DACH1: variants seen among roughly 807,000 people sequenced by gnomAD.
DACH1 encodes the protein dachshund family transcription factor 1, also known as dachshund homolog 1.
DACH1 carries 12 observed loss-of-function variants against 54.2 expected under a neutral mutation model. That is an observed-to-expected ratio of 0.22 (90% CI 0.14 to 0.36). The LOEUF (loss-of-function observed/expected upper bound fraction) is 0.36. DACH1 is among the 10% of genes least tolerant of loss of function. The pLI is 1.00. For missense variants in DACH1, 805 were observed against 929.8 expected, an observed-to-expected ratio of 0.87 and a Z score of 1.75; for synonymous variants, 386 against 366.2, an observed-to-expected ratio of 1.05 and a Z score of -0.62.
intron 1 of DACH1, among the ~76,000 whole-genome samples, chr13:71,773,091 C>T (rs1885926523): frequency 6.6e-6 from 1 of 151,750 alleles, no homozygotes; most frequent in Admixed American, 6.6e-5. Flanking sequence ...ATATGTACCA[C>T]ACCTCTGCTG....
At chr13:71,481,449 G>A (rs965464301) in intron 7 of DACH1, among the ~76,000 whole-genome samples, 5 of 152,188 alleles carry the variant, frequency 3.3e-5, no homozygotes, top group Non-Finnish European at 7.4e-5. Flanking sequence ...TGTAAAGAAT[G>A]AAGTTGCTGA....
chr13:71,866,421 CGCCGCT>C lies in DACH1; in HGVS notation c.343_348del (p.Ser115_Gly116del). 1 of 1,417,260 alleles carries C rather than the reference CGCCGCT, an allele frequency of 7.1e-7. No homozygotes were observed. Among genetic ancestry groups the C allele is most frequent in the Non-Finnish European group, 9.3e-7 (1 of 1,079,296 alleles). The allele number at this position is 1,417,260 out of a possible 1,614,324, so 87.8% of individuals were successfully genotyped here. ...CCAGCGCTGATGCCGCCGCCGCCGC[CGCCGCT>C]GCCGTTGCTCGCGGCCGCCAGGTTG... On this transcript the variant is annotated inframe_deletion, in exon 1 of 11. Coordinates refer to ENST00000613252, the MANE Select transcript of DACH1 (RefSeq NM_080759.6).
intron 1 of DACH1, among the ~76,000 whole-genome samples, chr13:71,771,553 G>A (rs987477657): frequency 2.6e-5 from 4 of 151,384 alleles, no homozygotes; most frequent in Non-Finnish European, 4.4e-5. Context: ...GAAAGGGCAA[G>A]TATCCCATTC....
chr13:71,648,452 C>T (rs978777390), intron 2 of DACH1, among the ~76,000 whole-genome samples: 6 of 152,206 alleles, frequency 3.9e-5, no homozygotes, highest in South Asian at 2.1e-4. Context: ...ACAACAATAG[C>T]TTTAAGAGTA....
At chr13:71,633,366 G>A (rs1199179839) in intron 2 of DACH1, among the ~76,000 whole-genome samples, 4 of 152,136 alleles carry the variant, frequency 2.6e-5, no homozygotes, top group Non-Finnish European at 5.9e-5. Context: ...TTGTTAAAAA[G>A]AAAGGCTTGG....
intron 2 of DACH1, among the ~76,000 whole-genome samples, chr13:71,658,579 T>G (rs896284771): frequency 2.6e-5 from 4 of 152,048 alleles, no homozygotes; most frequent in African/African-American, 9.7e-5. Context: ...AAGCACTATA[T>G]CCATGTAATG....
chr13:71,481,385 T>A (rs1878017770), intron 7 of DACH1, among the ~76,000 whole-genome samples: 5 of 152,210 alleles, frequency 3.3e-5, no homozygotes. Flanking sequence ...AATAAACATG[T>A]TGAATAATGT....
At chr13:71,602,226 T>C (rs549203098) in intron 3 of DACH1, among the ~76,000 whole-genome samples, 1 of 152,140 alleles carries the variant, frequency 6.6e-6, no homozygotes, top group East Asian at 1.9e-4. Flanking sequence ...TTATTTTGTG[T>C]ATCCAAGCAT....
chr13:71,528,425 CTT>C (rs71198120), intron 6 of DACH1, among the ~76,000 whole-genome samples: 3 of 111,110 alleles, frequency 2.7e-5, no homozygotes, highest in African/African-American at 3.4e-5. Context: ...AACAGATTTT[CTT>C]TTTTTTTTTT....
intron 1 of DACH1, among the ~76,000 whole-genome samples, chr13:71,822,772 G>C (rs1180899206): frequency 6.6e-6 from 1 of 152,004 alleles, no homozygotes; most frequent in Non-Finnish European, 1.5e-5. Context: ...TAGTTCACTA[G>C]GACCTTATAT....
chr13:71,610,968 G>A (rs980377564), intron 3 of DACH1, among the ~76,000 whole-genome samples: 11 of 152,034 alleles, frequency 7.2e-5, no homozygotes, highest in African/African-American at 2.7e-4. Flanking sequence ...AATCACTCTT[G>A]TCTCTCTCTC....
In DACH1 at chr13:71,465,380, A is replaced by C. The variant is rs1284522385; in HGVS notation, c.2083+9761T>G. 3.3e-5 allele frequency among the ~76,000 whole-genome samples: 5 copies of C among 152,188 alleles called. No individual in the cohort carries two copies. In the East Asian group the frequency reaches 9.6e-4, roughly 29 times the overall value. ...TGACTCTTGAAGTATAACATTTCTC[A>C]GAAAAAAAATTAATTGTATTTATGC... is the stretch of plus-strand genomic sequence containing the variant. On this transcript the variant is annotated intron_variant, in intron 10 of 10. Coordinates refer to ENST00000613252, the MANE Select transcript of DACH1 (RefSeq NM_080759.6).
In DACH1 at chr13:71,866,008, C is replaced by G. The variant is rs1874730653; in HGVS notation, c.762G>C (p.Leu254=). 3.1e-6 allele frequency: 5 copies of G among 1,613,860 alleles called. No individual in the cohort carries two copies. Among genetic ancestry groups the G allele is most frequent in the Middle Eastern group, 3.3e-4 (2 of 6,084 alleles). The stretch of plus-strand genomic sequence containing the variant: ...GGTTCACTCCTGGCTGGATGGCGCC[C>G]AGTCCCCTCAGGATGCGAACTTGTT... ...NVEQVRILRG[L]GAIQPGVNRC... The change falls in exon 1 of 11, where the codon CTG becomes CTC. Residue 254 remains leucine (L), a synonymous_variant. Coordinates refer to ENST00000613252, the MANE Select transcript of DACH1 (RefSeq NM_080759.6).
At chr13:71,716,611 T>G (rs1332057993) in intron 1 of DACH1, among the ~76,000 whole-genome samples, 1 of 152,148 alleles carries the variant, frequency 6.6e-6, no homozygotes, top group Non-Finnish European at 1.5e-5. Flanking sequence ...TTTACTTCTA[T>G]TGTATCATGG....
At chr13:71,496,528 G>A (rs981812588) in intron 6 of DACH1, among the ~76,000 whole-genome samples, 2 of 151,670 alleles carry the variant, frequency 1.3e-5, no homozygotes, top group East Asian at 3.9e-4. Context: ...CAAGGACATA[G>A]AGTGTAGACT....
At chr13:71,542,837 C>A (rs1883223111) in intron 6 of DACH1, among the ~76,000 whole-genome samples, 1 of 152,108 alleles carries the variant, frequency 6.6e-6, no homozygotes, top group Non-Finnish European at 1.5e-5. Context: ...AAGCTGAGAA[C>A]TTTGGCTATT....
chr13:71,865,399 G>A (rs1274873712), intron 1 of DACH1, among the ~76,000 whole-genome samples: 1 of 152,072 alleles, frequency 6.6e-6, no homozygotes, highest in African/African-American at 2.4e-5. Context: ...CCCGGAGCGC[G>A]TCTCCCCGCT....
chr13:71,569,735 C>T (rs936688579), intron 4 of DACH1, among the ~76,000 whole-genome samples: 2 of 152,090 alleles, frequency 1.3e-5, no homozygotes, highest in African/African-American at 2.4e-5. Flanking sequence ...ATTGTTATTG[C>T]CATTTGCATT....
chr13:71,639,752 C>T (rs1406337861), intron 2 of DACH1, among the ~76,000 whole-genome samples: 1 of 152,022 alleles, frequency 6.6e-6, no homozygotes, highest in Non-Finnish European at 1.5e-5. Context: ...TTTTGAAAAG[C>T]TCACCTTCTG....
Sources: allele counts gnomAD v4.1 joint callset (sites outside exome capture counted in the v4.1 genomes callset), GRCh38; gene constraint gnomAD v4.1.1; transcripts MANE v1.5; gene names NCBI Gene and HGNC (gene_info 2026-07-23, HGNC 2026-07-21).